Variants in MARCHF7 observed in about 807,000 individuals in gnomAD.
MARCHF7 encodes the protein membrane associated ring-CH-type finger 7, also known as E3 ubiquitin-protein ligase MARCHF7.
Under a neutral mutation model 76.5 loss-of-function variants are expected in MARCHF7, and 20 were observed. The ratio of observed to expected loss-of-function variants is 0.26; its 90% CI spans 0.18 to 0.38. The LOEUF is 0.38. MARCHF7 is among the 10% of genes least tolerant of loss of function. MARCHF7 has a pLI of 1.00. For missense variants in MARCHF7, 797 were observed against 812.9 expected (o/e 0.98, Z 0.24); for synonymous variants, 295 against 293.0 (o/e 1.01, Z -0.07).
At chr2:159,719,947 A>T (rs2125303891) in intron 3 of MARCHF7, among the ~76,000 whole-genome samples, 1 of 152,212 alleles carries the variant, frequency 6.6e-6, no homozygotes, top group South Asian at 2.1e-4. Flanking sequence ...TGCTTTATTT[A>T]CCTTCAGAGT....
chr2:159,720,911 A>G (rs1483226366), intron 3 of MARCHF7, among the ~76,000 whole-genome samples: 3 of 152,152 alleles, frequency 2.0e-5, no homozygotes, highest in Non-Finnish European at 2.9e-5. Flanking sequence ...AGGCTGGGGT[A>G]CAGTGGCATG....
intron 3 of MARCHF7, among the ~76,000 whole-genome samples, chr2:159,717,034 G>A (rs1701116362): frequency 6.6e-6 from 1 of 152,174 alleles, no homozygotes; most frequent in African/African-American, 2.4e-5. Context: ...TCCCTGGCTG[G>A]GAGATCCAAG....
At position 159,767,621 on chromosome 2, in the gene MARCHF7, T is replaced by G; in HGVS notation, c.*279T>G. The G allele has an allele frequency of 3.9e-6, 1 of 255,108 alleles. No homozygotes were observed. Among genetic ancestry groups the G allele is most frequent in the Non-Finnish European group, 7.4e-6 (1 of 134,836 alleles). 15.8% of individuals were successfully genotyped at this position (255,108 alleles called of 1,614,324 possible). On this transcript the variant is annotated 3_prime_UTR_variant, in exon 12 of 12. Transcript: ENST00000409175. Reference sequence around the variant, plus strand: ...TGAGTGGGAAAGTATTACCCTTGTTTTAAATATCTAAGCAATGCCTATCAA... The same window carrying G: ...TGAGTGGGAAAGTATTACCCTTGTTGTAAATATCTAAGCAATGCCTATCAA...
chr2:159,732,513 A>G (rs1560000344), intron 4 of MARCHF7, among the ~76,000 whole-genome samples: 1 of 152,128 alleles, frequency 6.6e-6, no homozygotes, highest in Non-Finnish European at 1.5e-5. Context: ...TTCTTGAACA[A>G]AGTGTTACAC....
intron 5 of MARCHF7, 57 bp from the exon 6 acceptor site, chr2:159,745,713 C>T: frequency 1.7e-6 from 2 of 1,186,968 alleles, no homozygotes; most frequent in Non-Finnish European, 2.4e-6. Flanking sequence ...TGAAGATTGT[C>T]ATCATCCAAA....
chr2:159,735,757 G>A (rs1249719359), intron 4 of MARCHF7, among the ~76,000 whole-genome samples: 1 of 152,044 alleles, frequency 6.6e-6, no homozygotes, highest in Non-Finnish European at 1.5e-5. Context: ...TCTACCTTCT[G>A]ACTATTATGA....
intron 2 of MARCHF7, among the ~76,000 whole-genome samples, chr2:159,714,877 C>T (rs572160616): frequency 6.6e-6 from 1 of 152,244 alleles, no homozygotes; most frequent in South Asian, 2.1e-4. Flanking sequence ...TATGATAGAG[C>T]TCCACTGCAC....
In MARCHF7 at chr2:159,743,339, A is replaced by AT. The variant is rs1163827991; in HGVS notation, c.346+90dup. 5 of 1,250,508 alleles carry AT rather than the reference A, an allele frequency of 4.0e-6. No homozygotes were observed. The Admixed American group carries it at 6.9e-5, about 17-fold the overall frequency. The allele number at this position is 1,250,508 out of a possible 1,614,324, so 77.5% of individuals were successfully genotyped here. On this transcript the variant is annotated intron_variant, in intron 5 of 11. Coordinates refer to ENST00000409175, the MANE Select transcript of MARCHF7 (RefSeq NM_001282805.2). ...CTTAGTTTTGGAATGAGGCAAGTAG[A>AT]TTTTATATGAAGACAGTGGGTCAGA...
chr2:159,728,940 A>T, intron 3 of MARCHF7, 69 bp from the exon 4 acceptor site: 1 of 871,278 alleles, frequency 1.1e-6, no homozygotes, highest in Non-Finnish European at 1.7e-6. Context: ...GCTGATGATT[A>T]AGGAGGATTA....
In MARCHF7 at chr2:159,726,840, G is replaced by A. The variant is rs577722507; in HGVS notation, c.-14-2169G>A. On this transcript the variant is annotated intron_variant, in intron 3 of 11. Coordinates refer to ENST00000409175, the MANE Select transcript of MARCHF7 (RefSeq NM_001282805.2). Reference sequence around the variant, plus strand: ...CACCAATCTTCTTTCTCTATGATTTGACTATAATTATTTTTAATGTATCTT... The same window carrying A: ...CACCAATCTTCTTTCTCTATGATTTAACTATAATTATTTTTAATGTATCTT... Among the ~76,000 whole-genome samples, 5 of 152,154 alleles carry A rather than the reference G, an allele frequency of 3.3e-5. No homozygotes were observed. The East Asian group carries it at 7.7e-4, about 23-fold the overall frequency.
intron 10 of MARCHF7, among the ~76,000 whole-genome samples, chr2:159,763,874 T>C (rs998561892): frequency 1.3e-5 from 2 of 152,204 alleles, no homozygotes; most frequent in African/African-American, 2.4e-5. Context: ...ATAATTACCA[T>C]TGAAGAGCAT....
chr2:159,744,019 G>A (rs1704518606), intron 5 of MARCHF7, among the ~76,000 whole-genome samples: 3 of 103,226 alleles, frequency 2.9e-5, no homozygotes, highest in Admixed American at 1.4e-4. Flanking sequence ...ACGGAGTCTC[G>A]CTCTGTCGCC....
At chr2:159,745,541 A>T (rs911661883) in intron 5 of MARCHF7, among the ~76,000 whole-genome samples, 5 of 152,170 alleles carry the variant, frequency 3.3e-5, no homozygotes, top group African/African-American at 1.2e-4. Context: ...TTGTAGTCCC[A>T]GATATTCAGG....
At position 159,762,981 on chromosome 2, in the gene MARCHF7, C is replaced by A; in HGVS notation, c.1995C>A (p.Ser665Arg). 1 of 1,610,016 alleles carries A rather than the reference C, an allele frequency of 6.2e-7. No homozygotes were observed. Among genetic ancestry groups the A allele is most frequent in the Non-Finnish European group, 8.5e-7 (1 of 1,178,056 alleles). Reference protein sequence around the residue: ...SDMMGNTNEPSTRVRFINLAR... With the variant: ...SDMMGNTNEPRTRVRFINLAR... The stretch of plus-strand genomic sequence containing the variant: ...TGATGGGAAATACAAATGAACCAAG[C>A]ACACGTGTCCGAGTAAGTAATAATG... The change falls in exon 10 of 12, where the codon AGC becomes AGA. Residue 665 changes from serine to arginine, a missense_variant. Physicochemically the swap from Ser to Arg is moderately radical, Grantham distance 110. Coordinates refer to ENST00000409175, the MANE Select transcript of MARCHF7 (RefSeq NM_001282805.2).
chr2:159,720,671 A>G (rs192329111), intron 3 of MARCHF7, among the ~76,000 whole-genome samples: 57 of 152,272 alleles, frequency 3.7e-4, no homozygotes, highest in Non-Finnish European at 6.3e-4. Flanking sequence ...AAATAATTTG[A>G]AAGTTAGCAT....
In MARCHF7 at chr2:159,753,164, G is replaced by A. The variant is rs1705861636; in HGVS notation, c.1783+593G>A. On this transcript the variant is annotated intron_variant, in intron 8 of 11. Transcript: ENST00000409175. Reference sequence around the variant, plus strand: ...TAGGGGAAGAGCACTCTAGCATAGGGAACAGCAAGTTCAAAGACTTTAGGG... The same window carrying A: ...TAGGGGAAGAGCACTCTAGCATAGGAAACAGCAAGTTCAAAGACTTTAGGG... 2.0e-5 allele frequency among the ~76,000 whole-genome samples: 3 copies of A among 152,176 alleles called. No individual in the cohort carries two copies. The South Asian group carries it at 6.2e-4, about 31-fold the overall frequency.
At chr2:159,717,284 A>G (rs1194498666) in intron 3 of MARCHF7, among the ~76,000 whole-genome samples, 2 of 152,158 alleles carry the variant, frequency 1.3e-5, no homozygotes, top group Non-Finnish European at 2.9e-5. Context: ...GGGGGCTAAT[A>G]CTAGGATGGG....
chr2:159,732,147 T>C (rs1385498746), intron 4 of MARCHF7, among the ~76,000 whole-genome samples: 1 of 152,112 alleles, frequency 6.6e-6, no homozygotes, highest in Non-Finnish European at 1.5e-5. Context: ...TTAAATGTCA[T>C]GTTAATGACT....
At chr2:159,766,293 A>G (rs1413309702) in intron 11 of MARCHF7, among the ~76,000 whole-genome samples, 2 of 152,180 alleles carry the variant, frequency 1.3e-5, no homozygotes, top group African/African-American at 2.4e-5. Flanking sequence ...ACTTAACAGT[A>G]GAGTTTATTA....
Sources: gnomAD v4.1 joint callset for allele counts (sites outside exome capture counted in the v4.1 genomes callset) on GRCh38, gnomAD v4.1.1 for gene constraint, MANE v1.5 for transcripts, NCBI Gene and HGNC (gene_info 2026-07-23, HGNC 2026-07-21) for gene names.